CACNA1C: variants seen among roughly 807,000 people sequenced by gnomAD.
The protein encoded by CACNA1C is voltage-dependent L-type calcium channel subunit alpha-1C.
CACNA1C carries 30 observed loss-of-function variants against 229.0 expected under a neutral mutation model. That is an observed-to-expected ratio of 0.13 (90% CI 0.10 to 0.18). CACNA1C has a LOEUF of 0.18. CACNA1C is among the 10% of genes least tolerant of loss of function. CACNA1C has a pLI of 1.00. For missense variants in CACNA1C, 1,658 were observed against 2,845.0 expected (o/e 0.58, Z 9.49); for synonymous variants, 1,114 against 1,132.5 (o/e 0.98, Z 0.33).
Position 2,348,569 on chromosome 12 carries a change from C to T in CACNA1C, c.478-100407C>T, listed in dbSNP as rs1231866854. On this transcript the variant is annotated intron_variant, in intron 3 of 46. Coordinates refer to ENST00000399655, the MANE Select transcript of CACNA1C (RefSeq NM_000719.7). This position sits in a 1 kb window ranked among gnomAD's most constrained non-coding sequence, Gnocchi z 4.7. ...GGGCAAGGATTTCAAGTCGTCGGCA[C>T]AAGAAGAGACACTATATTAAGGCCT... is the stretch of plus-strand genomic sequence containing the variant. 6.6e-6 allele frequency among the ~76,000 whole-genome samples: 1 copy of T among 152,146 alleles called. No homozygotes were observed. The highest frequency in any genetic ancestry group is 1.5e-5 in the Non-Finnish European group (1 of 68,022).
At chr12:2,117,309 CAACTT>C (rs989593002) in intron 2 of CACNA1C, among the ~76,000 whole-genome samples, 1 of 151,052 alleles carries the variant, frequency 6.6e-6, no homozygotes, top group Non-Finnish European at 1.5e-5. Flanking sequence ...TTGAGCCCCT[CAACTT>C]AAAAGTATTT....
At chr12:2,099,142 A>T (rs1218223250) in intron 1 of CACNA1C, among the ~76,000 whole-genome samples, 1 of 152,272 alleles carries the variant, frequency 6.6e-6, no homozygotes, top group Non-Finnish European at 1.5e-5. Context: ...CTCATGCTTC[A>T]TGGAGGCGAG....
At chr12:2,461,494 A>G (rs1317101589) in intron 5 of CACNA1C, among the ~76,000 whole-genome samples, 3 of 152,180 alleles carry the variant, frequency 2.0e-5, no homozygotes, top group African/African-American at 7.2e-5. Flanking sequence ...GGTGTTAAAT[A>G]TAATCTATGT....
Position 2,120,567 on chromosome 12 carries a change from G to T in CACNA1C, c.477+137G>T, listed in dbSNP as rs768992135. 1.7e-5 allele frequency: 12 copies of T among 691,236 alleles called. No individual in the cohort carries two copies. In the East Asian group the frequency reaches 2.7e-4, roughly 16 times the overall value. The allele number at this position is 691,236 out of a possible 1,614,324, so 42.8% of individuals were successfully genotyped here. On this transcript the variant is annotated intron_variant, in intron 3 of 46. Transcript: ENST00000399655. ...AGGAGCCCTGCAGAGCTCACATCCC[G>T]AGTGCTGTTTTACTCTTTATTCAAA...
chr12:2,415,918 C>T (rs1013352751), intron 3 of CACNA1C, among the ~76,000 whole-genome samples: 16 of 152,286 alleles, frequency 1.1e-4, no homozygotes, highest in Non-Finnish European at 1.8e-4. Flanking sequence ...TTCTCTTATG[C>T]GCTGGGTGAC....
At chr12:1,979,508 C>T (rs189146354) in intron 1 of CACNA1C, among the ~76,000 whole-genome samples, 1 of 152,114 alleles carries the variant, frequency 6.6e-6, no homozygotes, top group Admixed American at 6.5e-5. Context: ...GAGGGGGTTT[C>T]ACCATGTTGG....
At chr12:2,464,694 G>A (rs981017100) in intron 5 of CACNA1C, among the ~76,000 whole-genome samples, 1 of 152,218 alleles carries the variant, frequency 6.6e-6, no homozygotes, top group African/African-American at 2.4e-5. Context: ...CCTTTTGTCA[G>A]TAAAATGTTA....
intron 3 of CACNA1C, among the ~76,000 whole-genome samples, chr12:2,232,240 T>TTG (rs2065531747): frequency 6.8e-6 from 1 of 147,744 alleles, no homozygotes; most frequent in African/African-American, 2.5e-5. Context: ...TTTTTTTTTT[T>TTG]TTTTTTTTTT....
intron 3 of CACNA1C, among the ~76,000 whole-genome samples, chr12:2,363,887 T>G (rs1249909392): frequency 6.6e-6 from 1 of 152,170 alleles, no homozygotes; most frequent in African/African-American, 2.4e-5. Flanking sequence ...GTTCAAATAG[T>G]AGGCAGACCC....
intron 1 of CACNA1C, chr12:1,991,410 G>A (rs112600726): frequency 0.031 from 7,174 of 235,044 alleles, 178 homozygotes; most frequent in Middle Eastern, 0.072. Context: ...AACCACGAAC[G>A]TGAGCCACAT....
rs574325446 is a variant in CACNA1C at position 2,681,436 on chromosome 12, G to A, written c.5445-1114G>A. Among the ~76,000 whole-genome samples the A allele has an allele frequency of 5.3e-5, 8 of 152,308 alleles. 1 individual carries two copies. The South Asian group carries it at 1.4e-3, about 28-fold the overall frequency. The stretch of plus-strand genomic sequence containing the variant: ...GGTGAAGAGGAGGAGCATAGCCCAC[G>A]TCCCAGCTCCCTTGTCCCCGTGTCA... On this transcript the variant is annotated intron_variant, in intron 42 of 46. Coordinates refer to ENST00000399655, the MANE Select transcript of CACNA1C (RefSeq NM_000719.7).
At chr12:2,002,180 G>A (rs1009834854) in intron 1 of CACNA1C, among the ~76,000 whole-genome samples, 2 of 152,000 alleles carry the variant, frequency 1.3e-5, no homozygotes, top group Admixed American at 1.3e-4. Flanking sequence ...CATTTTCAGG[G>A]CAATAAGAAT....
chr12:2,049,602 A>G (rs1349974183), upstream of CACNA1C: 1 of 152,258 alleles, frequency 6.6e-6, no homozygotes, highest in African/African-American at 2.4e-5. Flanking sequence ...GAATAAACAC[A>G]GTTCTCTTCT....
chr12:2,688,639 G>A lies in CACNA1C; in HGVS notation c.5977G>A (p.Gly1993Ser), dbSNP rs1013974573. ...LNSSFPSIHC[G>S]SWAETTPGGG... ...CAGCAGCTTCCCATCCATCCACTGC[G>A]GCTCCTGGGCTGAGACCACCCCCGG... Residue 1993 changes from glycine to serine, a missense_variant, in exon 46 of 47, where the codon GGC becomes AGC. By Grantham distance (56) the Gly-to-Ser change is moderately conservative. This residue lies in a region of CACNA1C where 590 missense variants were observed against 700.8 expected (regional missense o/e 0.84). Transcript: ENST00000399655. 1.2e-6 allele frequency: 2 copies of A among 1,613,780 alleles called. No individual in the cohort carries two copies. Among genetic ancestry groups the A allele is most frequent in the African/African-American group, 1.3e-5 (1 of 74,928 alleles).
intron 3 of CACNA1C, among the ~76,000 whole-genome samples, chr12:2,297,080 A>T (rs114177483): frequency 0.01 from 1,567 of 152,306 alleles, 19 homozygotes; most frequent in African/African-American, 0.036. Context: ...TGGTAAGAAG[A>T]AAGATGTCAG....
At chr12:2,154,807 C>T (rs1011048967) in intron 3 of CACNA1C, among the ~76,000 whole-genome samples, 5 of 152,174 alleles carry the variant, frequency 3.3e-5, no homozygotes, top group African/African-American at 1.2e-4. Flanking sequence ...CTCACAGTTT[C>T]GTTTATCAGC....
intron 46 of CACNA1C, among the ~76,000 whole-genome samples, 156 bp downstream of exon 46, chr12:2,688,935 G>A (rs370144439): frequency 2.0e-5 from 3 of 152,216 alleles, no homozygotes; most frequent in Non-Finnish European, 4.4e-5. Context: ...AGGAGGGCTC[G>A]TGTGCGGAAA....
chr12:2,313,177 T>G (rs1307603588), intron 3 of CACNA1C, among the ~76,000 whole-genome samples: 3 of 152,170 alleles, frequency 2.0e-5, no homozygotes, highest in Non-Finnish European at 4.4e-5. Flanking sequence ...CTTCTCCACT[T>G]TGCTCCCAAG....
At chr12:2,397,471 G>A (rs1296021299) in intron 3 of CACNA1C, among the ~76,000 whole-genome samples, 1 of 152,248 alleles carries the variant, frequency 6.6e-6, no homozygotes, top group Non-Finnish European at 1.5e-5. Context: ...AGTCAGGTAA[G>A]CAGCAGCAAC....
Sources: gnomAD v4.1 joint callset for allele counts (sites outside exome capture counted in the v4.1 genomes callset) on GRCh38, gnomAD v4.1.1 for gene constraint, gnomAD v4.1.1 regional missense constraint, Gnocchi (gnomAD v3.1) non-coding constraint, MANE v1.5 for transcripts, NCBI Gene and HGNC (gene_info 2026-07-23, HGNC 2026-07-21) for gene names.